Variants in ARID4A observed in about 807,000 individuals in gnomAD.
ARID4A encodes the protein AT-rich interaction domain 4A.
In ARID4A, 39 loss-of-function variants were observed where a neutral mutation model predicts 148.6. That is an observed-to-expected ratio of 0.26 (90% CI 0.20 to 0.34). The LOEUF (loss-of-function observed/expected upper bound fraction) is 0.34. Among genes scored for constraint, ARID4A ranks in the 10% least tolerant of loss-of-function variants. The probability of loss-of-function intolerance (pLI) is 1.00; values close to 1 mark genes in which losing one functional copy is unlikely to be tolerated. For synonymous variants in ARID4A, 475 were observed against 481.2 expected, an observed-to-expected ratio of 0.99 and a Z score of 0.17; for missense variants, 1,265 against 1,449.1, an observed-to-expected ratio of 0.87 and a Z score of 2.06.
chr14:58,314,567 A>C (rs1459629421), intron 5 of ARID4A, among the ~76,000 whole-genome samples: 1 of 152,140 alleles, frequency 6.6e-6, no homozygotes, highest in Non-Finnish European at 1.5e-5. Flanking sequence ...TTAGGACTAC[A>C]AGCACCTGCC....
chr14:58,363,786 C>T (rs1053184266), intron 19 of ARID4A, among the ~76,000 whole-genome samples: 13 of 152,088 alleles, frequency 8.5e-5, no homozygotes, highest in Admixed American at 8.5e-4. Flanking sequence ...ACAAAATGCC[C>T]ATCATCTGTC....
chr14:58,372,151 T>C lies in ARID4A; in HGVS notation c.*162T>C, dbSNP rs1258576979. Reference sequence around the variant, plus strand: ...ATCTATTCCCCTCTCTCTTCTTTTTTCTTGTTGCAAAAAATAAGCTGATTA... The same window carrying C: ...ATCTATTCCCCTCTCTCTTCTTTTTCCTTGTTGCAAAAAATAAGCTGATTA... On this transcript the variant is annotated 3_prime_UTR_variant, in exon 24 of 24. Coordinates refer to ENST00000355431, the MANE Select transcript of ARID4A (RefSeq NM_002892.4). 3 of 529,766 alleles carry C rather than the reference T, an allele frequency of 5.7e-6. No homozygotes were observed. Among genetic ancestry groups the C allele is most frequent in the Admixed American group, 7.5e-5 (2 of 26,792 alleles). The allele number at this position is 529,766 out of a possible 1,614,324, so 32.8% of individuals were successfully genotyped here. A position where few individuals can be genotyped will look rare whatever the true frequency, so the allele number is the denominator to read the frequency against.
chr14:58,333,581 C>T (rs987986676), intron 11 of ARID4A, among the ~76,000 whole-genome samples: 5 of 151,978 alleles, frequency 3.3e-5, no homozygotes, highest in African/African-American at 1.2e-4. Flanking sequence ...ATAACTACTG[C>T]CATTTCTGTA....
At chr14:58,310,885 G>A (rs942600897) in intron 5 of ARID4A, among the ~76,000 whole-genome samples, 6 of 151,942 alleles carry the variant, frequency 3.9e-5, no homozygotes, top group African/African-American at 1.5e-4. Context: ...TATTTAATAC[G>A]GGGTTCATAT....
intron 15 of ARID4A, among the ~76,000 whole-genome samples, chr14:58,350,100 TAAAAAA>T (rs758927898): frequency 2.4e-5 from 2 of 83,802 alleles, no homozygotes; most frequent in African/African-American, 4.7e-5. Context: ...GACTCTGTCT[TAAAAAA>T]AAAAAAAAAA....
At chr14:58,299,431 A>C in intron 1 of ARID4A, 1 of 166,012 alleles carries the variant, frequency 6.0e-6, no homozygotes. Context: ...TATCCGGGGG[A>C]CCGCGGAGCG....
At chr14:58,331,371 A>T (rs1173263830) in intron 11 of ARID4A, 1 of 152,220 alleles carries the variant, frequency 6.6e-6, no homozygotes, top group Non-Finnish European at 1.5e-5. Context: ...AAGAGAATGT[A>T]AGTAGTGCTG....
rs750531932 is a variant in ARID4A at position 58,366,908 on chromosome 14, A to C, written c.3549A>C (p.Thr1183=). The part of the protein sequence containing the change: ...QLNELDNMNS[T]ERISFLQEKL... ...ATGAATTAGATAATATGAACAGTAC[A>C]GAGAGAATCTCATTTCTCCAAGAAA... is the stretch of plus-strand genomic sequence containing the variant. The change falls in exon 23 of 24, where the codon ACA becomes ACC. Residue 1183 remains threonine (T), a synonymous_variant. Transcript: ENST00000355431. 3 of 1,515,718 alleles carry C rather than the reference A, an allele frequency of 2.0e-6. No individual in the cohort carries two copies. In the African/African-American group the frequency reaches 4.4e-5, roughly 22 times the overall value. 93.9% of individuals were successfully genotyped at this position (1,515,718 alleles called of 1,614,324 possible).
At chr14:58,347,445 A>G (rs2034427187) in intron 14 of ARID4A, among the ~76,000 whole-genome samples, 1 of 152,236 alleles carries the variant, frequency 6.6e-6, no homozygotes, top group South Asian at 2.1e-4. Flanking sequence ...TCACAAGCTC[A>G]GACGTCTCAG....
intron 5 of ARID4A, among the ~76,000 whole-genome samples, chr14:58,316,346 AG>A (rs1404206243): frequency 5.3e-5 from 8 of 152,290 alleles, no homozygotes; most frequent in Non-Finnish European, 1.5e-5. Flanking sequence ...TCTGAAGTAA[AG>A]ATTATATCTT....
chr14:58,304,902 T>C (rs1490746263), intron 3 of ARID4A, 42 bp from the exon 4 acceptor site: 2 of 1,509,184 alleles, frequency 1.3e-6, no homozygotes, highest in Admixed American at 3.5e-5. Context: ...ATGTATTTGT[T>C]TTAAAAGTAA....
intron 3 of ARID4A, 100 bp from the exon 4 acceptor site, chr14:58,304,844 G>T: frequency 3.0e-6 from 3 of 1,012,464 alleles, no homozygotes; most frequent in Non-Finnish European, 4.5e-6. Flanking sequence ...ACCACATGGT[G>T]CTAAGAAAGC....
chr14:58,341,015 T>C (rs1389127943), intron 11 of ARID4A, among the ~76,000 whole-genome samples: 1 of 152,110 alleles, frequency 6.6e-6, no homozygotes, highest in East Asian at 1.9e-4. Flanking sequence ...GGTTCTCTTT[T>C]CTTCCCTCTC....
chr14:58,367,868 G>A (rs1368517147), intron 23 of ARID4A, among the ~76,000 whole-genome samples: 2 of 152,170 alleles, frequency 1.3e-5, no homozygotes, highest in Admixed American at 6.5e-5. Flanking sequence ...AACTGTCCCA[G>A]CAGATGAGAT....
At chr14:58,345,510 A>G (rs1441148318) in intron 12 of ARID4A, among the ~76,000 whole-genome samples, 2 of 152,156 alleles carry the variant, frequency 1.3e-5, no homozygotes, top group Non-Finnish European at 2.9e-5. Context: ...TAATATAGGT[A>G]GAATAATAGA....
rs74055624 is a variant in ARID4A, at chr14:58,332,665, A to G, written c.906+2496A>G. On this transcript the variant is annotated intron_variant, in intron 11 of 23. Coordinates refer to ENST00000355431, the MANE Select transcript of ARID4A (RefSeq NM_002892.4). ...ATGATGTAAAATGAATAAAAATCTG[A>G]TAAGCCATGGCCTACCTGGCTTAGT... is the stretch of plus-strand genomic sequence containing the variant. 1.0e-2 allele frequency among the ~76,000 whole-genome samples: 1,517 copies of G among 152,256 alleles called. 28 individuals are homozygous for G. The highest frequency in any genetic ancestry group is 0.035 in the African/African-American group (1,469 of 41,578).
chr14:58,329,200 A>G (rs2033383539), intron 9 of ARID4A, among the ~76,000 whole-genome samples: 1 of 152,218 alleles, frequency 6.6e-6, no homozygotes, highest in African/African-American at 2.4e-5. Flanking sequence ...AATTTCACAA[A>G]TAATAAAATA....
At chr14:58,312,373 C>A (rs1412795686) in intron 5 of ARID4A, among the ~76,000 whole-genome samples, 3 of 151,922 alleles carry the variant, frequency 2.0e-5, no homozygotes, top group Non-Finnish European at 2.9e-5. Flanking sequence ...TATACCATCA[C>A]CCTGGCTAAT....
rs1452646426 is a variant in ARID4A, at chr14:58,373,754, CATTTAAGTG to C, written c.*1769_*1777del. ...ACATAGGCTTTATACTTTTAGTTTTCATTTAAGTGATTGCTTTTTTCCTAAGTGCTTGTA... is the reference window on the plus strand; with the variant it reads ...ACATAGGCTTTATACTTTTAGTTTTCATTGCTTTTTTCCTAAGTGCTTGTA... On this transcript the variant is annotated 3_prime_UTR_variant, in exon 24 of 24. Coordinates refer to ENST00000355431, the MANE Select transcript of ARID4A (RefSeq NM_002892.4). 6.0e-6 allele frequency: 1 copy of C among 165,806 alleles called. No individual in the cohort carries two copies. The highest frequency in any genetic ancestry group is 1.3e-5 in the Non-Finnish European group (1 of 75,870). 10.3% of individuals were successfully genotyped at this position (165,806 alleles called of 1,614,324 possible).
Sources: allele counts gnomAD v4.1 joint callset (sites outside exome capture counted in the v4.1 genomes callset), GRCh38; gene constraint gnomAD v4.1.1; transcripts MANE v1.5; gene names NCBI Gene and HGNC (gene_info 2026-07-23, HGNC 2026-07-21).